Variants in ALDH1A2 observed in about 807,000 individuals in gnomAD.
The protein encoded by ALDH1A2 is retinal dehydrogenase 2.
A neutral mutation model predicts 60.3 loss-of-function variants in ALDH1A2; 27 were observed. The ratio of observed to expected loss-of-function variants is 0.45; its 90% CI spans 0.33 to 0.62. The LOEUF is 0.62. Among genes scored for constraint, ALDH1A2 ranks in the 20% least tolerant of loss-of-function variants. ALDH1A2 has a pLI of 0.02. For synonymous variants in ALDH1A2, 289 were observed against 232.4 expected (o/e 1.24, Z -2.21); for missense variants, 581 against 643.8 (o/e 0.90, Z 1.06).
chr15:58,026,697 C>T (rs1896088928), intron 1 of ALDH1A2, among the ~76,000 whole-genome samples: 1 of 152,198 alleles, frequency 6.6e-6, no homozygotes, highest in Non-Finnish European at 1.5e-5. Flanking sequence ...TCTTAGCAAG[C>T]AGCAGACCAA....
chr15:58,049,884 A>T (rs890907424), intron 1 of ALDH1A2, among the ~76,000 whole-genome samples: 10 of 152,062 alleles, frequency 6.6e-5, no homozygotes, highest in African/African-American at 2.4e-4. Context: ...TTCTGTTTGG[A>T]AACAAATGTT....
intron 9 of ALDH1A2, among the ~76,000 whole-genome samples, chr15:57,963,552 C>A (rs1467544177): frequency 1.3e-5 from 2 of 151,844 alleles, no homozygotes; most frequent in South Asian, 4.2e-4. Flanking sequence ...ACCATATTAG[C>A]CAGGATGGTC....
At chr15:57,998,535 A>T (rs1275338251) in intron 4 of ALDH1A2, among the ~76,000 whole-genome samples, 11 of 151,452 alleles carry the variant, frequency 7.3e-5, no homozygotes, top group Admixed American at 6.6e-4. Flanking sequence ...AAAAACCACT[A>T]ATCAGGGAAA....
chr15:58,032,713 G>A lies in ALDH1A2; in HGVS notation c.118-18432C>T, dbSNP rs368180661. 1.5e-4 allele frequency among the ~76,000 whole-genome samples: 23 copies of A among 151,950 alleles called. No individual in the cohort carries two copies. The East Asian group carries it at 1.9e-3, about 13-fold the overall frequency. On this transcript the variant is annotated intron_variant, in intron 1 of 12. Coordinates refer to ENST00000249750, the MANE Select transcript of ALDH1A2 (RefSeq NM_003888.4). Reference sequence around the variant, plus strand: ...AAGCAAAAGAAATCAATATATCAAAGGGATACCTGCACTAGCATATTTATT... The same window carrying A: ...AAGCAAAAGAAATCAATATATCAAAAGGATACCTGCACTAGCATATTTATT...
At chr15:58,003,530 G>A (rs1481699232) in intron 4 of ALDH1A2, among the ~76,000 whole-genome samples, 2 of 151,850 alleles carry the variant, frequency 1.3e-5, no homozygotes, top group Non-Finnish European at 2.9e-5. Flanking sequence ...CATATCGTAA[G>A]TCCATTTTAA....
chr15:57,988,813 T>C (rs1176847422), intron 7 of ALDH1A2, among the ~76,000 whole-genome samples: 1 of 152,256 alleles, frequency 6.6e-6, no homozygotes, highest in Non-Finnish European at 1.5e-5. Context: ...GGACTCACTA[T>C]GTGGCTTCTT....
intron 4 of ALDH1A2, among the ~76,000 whole-genome samples, chr15:58,007,063 C>T (rs888630149): frequency 6.6e-6 from 1 of 151,764 alleles, no homozygotes; most frequent in Admixed American, 6.6e-5. Flanking sequence ...ATTCAGGCAT[C>T]AGTTATAGTA....
At chr15:58,021,937 C>T (rs1158623245) in intron 1 of ALDH1A2, among the ~76,000 whole-genome samples, 1 of 152,200 alleles carries the variant, frequency 6.6e-6, no homozygotes, top group East Asian at 1.9e-4. Context: ...TAGGTGCAGG[C>T]TACCGCCACC....
chr15:58,007,154 T>C (rs1165285211), intron 4 of ALDH1A2, among the ~76,000 whole-genome samples: 1 of 151,944 alleles, frequency 6.6e-6, no homozygotes, highest in African/African-American at 2.4e-5. Context: ...CAGAAACACA[T>C]AAATCAAGGC....
Position 57,989,925 on chromosome 15 carries a change from G to A in ALDH1A2, c.798+2780C>T, listed in dbSNP as rs867719515. Among the ~76,000 whole-genome samples the A allele has an allele frequency of 2.0e-3, 108 of 54,012 alleles. 1 individual carries two copies. The highest frequency in any genetic ancestry group is 5.4e-3 in the African/African-American group (99 of 18,236). 35.4% of individuals were successfully genotyped at this position (54,012 alleles called of 152,430 possible). A position where few individuals can be genotyped will look rare whatever the true frequency, so the allele number is the denominator to read the frequency against. On this transcript the variant is annotated intron_variant, in intron 7 of 12. Coordinates refer to ENST00000249750, the MANE Select transcript of ALDH1A2 (RefSeq NM_003888.4). The stretch of plus-strand genomic sequence containing the variant: ...GGGGTTTGTTCAAAAATGACAGGAC[G>A]GAGCTTGCAGTGAGCCGAGATTGCG...
chr15:58,022,226 T>C (rs555031257), intron 1 of ALDH1A2, among the ~76,000 whole-genome samples: 5 of 152,258 alleles, frequency 3.3e-5, no homozygotes, highest in Admixed American at 6.5e-5. Flanking sequence ...AGCACATAGA[T>C]TGAGGTCCTG....
rs35187901 is a variant in ALDH1A2 at position 58,060,463 on chromosome 15, C to CTTTTT, written c.117+5066_117+5070dup. Among the ~76,000 whole-genome samples the CTTTTT allele has an allele frequency of 5.8e-3, 507 of 87,486 alleles. 4 individuals are homozygous for CTTTTT. Among genetic ancestry groups the CTTTTT allele is most frequent in the East Asian group, 8.6e-3 (22 of 2,564 alleles). 57.4% of individuals were successfully genotyped at this position (87,486 alleles called of 152,430 possible). A position where few individuals can be genotyped will look rare whatever the true frequency, so the allele number is the denominator to read the frequency against. On this transcript the variant is annotated intron_variant, in intron 1 of 12. Coordinates refer to ENST00000249750, the MANE Select transcript of ALDH1A2 (RefSeq NM_003888.4). ...AAACTCTTTAAGATGCCACACATAT[C>CTTTTT]TTTTTTTTTTTTTTTTTTTTTTTGT...
Position 57,992,705 on chromosome 15 carries a change from C to T in ALDH1A2, c.798G>A (p.Glu266=), listed in dbSNP as rs1260053417. 1.2e-6 allele frequency: 2 copies of T among 1,613,786 alleles called. No homozygotes were observed. The highest frequency in any genetic ancestry group is 1.7e-6 in the Non-Finnish European group (2 of 1,179,724). ...AAGCCCTGGTTTTTCAGATACCTACCTCAGTAGACCCTGTGAATGCAATCT... is the reference window on the plus strand; with the variant it reads ...AAGCCCTGGTTTTTCAGATACCTACTTCAGTAGACCCTGTGAATGCAATCT... ...IDKIAFTGST[E]VGKLIQEAAG... is the part of the protein sequence containing the mutation. The change falls in exon 7 of 13, where the codon GAG becomes GAA. Residue 266 remains glutamate, a splice_region_variant and synonymous_variant. Coordinates refer to ENST00000249750, the MANE Select transcript of ALDH1A2 (RefSeq NM_003888.4).
At chr15:57,995,596 A>G (rs1393594394) in intron 4 of ALDH1A2, among the ~76,000 whole-genome samples, 2 of 152,128 alleles carry the variant, frequency 1.3e-5, no homozygotes, top group Admixed American at 6.6e-5. Context: ...GGCAACTGGA[A>G]AAAGTGAGGA....
At chr15:58,029,847 G>C (rs1164294086) in intron 1 of ALDH1A2, among the ~76,000 whole-genome samples, 2 of 152,150 alleles carry the variant, frequency 1.3e-5, no homozygotes, top group African/African-American at 4.8e-5. Flanking sequence ...GGAAGAAGCT[G>C]AATCTCTGAA....
At chr15:58,018,059 A>C (rs1895832642) in intron 1 of ALDH1A2, among the ~76,000 whole-genome samples, 1 of 152,264 alleles carries the variant, frequency 6.6e-6, no homozygotes, top group Admixed American at 6.5e-5. Flanking sequence ...AATCCTGTCC[A>C]TAGCATTATT....
intron 4 of ALDH1A2, among the ~76,000 whole-genome samples, chr15:57,997,815 A>G (rs188252713): frequency 1.3e-5 from 2 of 152,128 alleles, no homozygotes; most frequent in Admixed American, 1.3e-4. Context: ...AACCGTTCAC[A>G]TATTTGAAAA....
chr15:57,995,217 C>CAAAAAA lies in ALDH1A2; in HGVS notation c.494-84_494-79dup, dbSNP rs34068380. 544 of 287,506 alleles carry CAAAAAA rather than the reference C, an allele frequency of 1.9e-3. 8 individuals carry two copies. Among genetic ancestry groups the CAAAAAA allele is most frequent in the South Asian group, 3.8e-3 (83 of 21,644 alleles). The allele number at this position is 287,506 out of a possible 1,614,324, so 17.8% of individuals were successfully genotyped here. A position where few individuals can be genotyped will look rare whatever the true frequency, so the allele number is the denominator to read the frequency against. On this transcript the variant is annotated intron_variant, in intron 4 of 12. Coordinates refer to ENST00000249750, the MANE Select transcript of ALDH1A2 (RefSeq NM_003888.4). The stretch of plus-strand genomic sequence containing the variant: ...TGCAAAGGGAGAACTTTGGTGGCTG[C>CAAAAAA]AAAAAAAAAAAAAAAAAAACAAACA...
intron 4 of ALDH1A2, among the ~76,000 whole-genome samples, chr15:58,007,451 A>G (rs1445524381): frequency 6.6e-6 from 1 of 152,048 alleles, no homozygotes; most frequent in Non-Finnish European, 1.5e-5. Context: ...AGAATTTATC[A>G]TGGCTTAGGC....
Sources: gnomAD v4.1 joint callset for allele counts (sites outside exome capture counted in the v4.1 genomes callset) on GRCh38, gnomAD v4.1.1 for gene constraint, MANE v1.5 for transcripts, NCBI Gene and HGNC (gene_info 2026-07-23, HGNC 2026-07-21) for gene names.